The following CHN2 variants were observed in gnomAD, a reference collection of about 807,000 sequenced individuals.
The protein encoded by CHN2 is chimerin 2, also known as beta-chimaerin.
In CHN2, 35 loss-of-function variants were observed where a neutral mutation model predicts 56.3. The observed-to-expected ratio is 0.62, with a 90% confidence interval of 0.47 to 0.82. The LOEUF is 0.82. CHN2 is among the 40% of genes least tolerant of loss of function. CHN2 has a pLI of 0.00. For missense variants in CHN2, 491 were observed against 580.5 expected (o/e 0.85, Z 1.58); for synonymous variants, 210 against 212.8 (o/e 0.99, Z 0.12).
chr7:29,312,293 C>G (rs1427201348), intron 1 of CHN2, among the ~76,000 whole-genome samples: 1 of 152,212 alleles, frequency 6.6e-6, no homozygotes, highest in African/African-American at 2.4e-5. Flanking sequence ...CCTCCTGCTT[C>G]TTCCTACCTC....
intron 6 of CHN2, among the ~76,000 whole-genome samples, chr7:29,472,057 G>C (rs1408211890): frequency 6.6e-6 from 1 of 152,094 alleles, no homozygotes; most frequent in East Asian, 1.9e-4. Flanking sequence ...AAGTACATAG[G>C]ATCAAGCAGG....
At chr7:29,445,296 T>C in intron 6 of CHN2, 1 of 319,836 alleles carries the variant, frequency 3.1e-6, no homozygotes. Context: ...GCCTATCTCA[T>C]CCCAAACTCA....
At chr7:29,509,159 G>T in intron 11 of CHN2, 142 bp from the exon 12 acceptor site, 1 of 628,666 alleles carries the variant, frequency 1.6e-6, no homozygotes, top group Non-Finnish European at 2.9e-6. Context: ...CCAACAAATT[G>T]ATTAAGTGAA....
Position 29,369,954 on chromosome 7 carries a change from A to G in CHN2, c.144+1967A>G, listed in dbSNP as rs76344841. Among the ~76,000 whole-genome samples, 538 of 152,268 alleles carry G rather than the reference A, an allele frequency of 3.5e-3. 5 individuals are homozygous for G. The highest frequency in any genetic ancestry group is 0.012 in the African/African-American group (480 of 41,550). On this transcript the variant is annotated intron_variant, in intron 3 of 12. Coordinates refer to ENST00000222792, the MANE Select transcript of CHN2 (RefSeq NM_004067.4). The stretch of plus-strand genomic sequence containing the variant: ...GATGCTTGCTTTCCTCTAGAATTCC[A>G]TATCCCATTTCTGCCACGAAACCTA...
At chr7:29,211,198 G>A (rs1784912546) in intron 1 of CHN2, among the ~76,000 whole-genome samples, 1 of 151,990 alleles carries the variant, frequency 6.6e-6, no homozygotes, top group East Asian at 1.9e-4. Context: ...AGCCTCCTGA[G>A]GAGCTGGGAC....
chr7:29,249,434 C>T lies in CHN2; in HGVS notation c.49+54444C>T, dbSNP rs73684635. Among the ~76,000 whole-genome samples the T allele has an allele frequency of 5.6e-3, 846 of 152,352 alleles. 4 individuals carry two copies. Among genetic ancestry groups the T allele is most frequent in the African/African-American group, 0.018 (744 of 41,588 alleles). ...CAGACCCCCAGCTGGTTGGATGGTG[C>T]CTGCCCACATGGAGGGCCGATCATC... On this transcript the variant is annotated intron_variant, in intron 1 of 12. Coordinates refer to ENST00000222792, the MANE Select transcript of CHN2 (RefSeq NM_004067.4).
chr7:29,169,740 T>C (rs1375109457), intron 2 of CHN2, among the ~76,000 whole-genome samples: 1 of 152,132 alleles, frequency 6.6e-6, no homozygotes, highest in Non-Finnish European at 1.5e-5. Flanking sequence ...TCCTCCCTTC[T>C]GACCACTGTT....
At chr7:29,386,394 G>T (rs1800918816) in intron 3 of CHN2, among the ~76,000 whole-genome samples, 1 of 152,128 alleles carries the variant, frequency 6.6e-6, no homozygotes, top group African/African-American at 2.4e-5. Context: ...CAATCTAGCT[G>T]CCCTGTGTAG....
chr7:29,458,850 C>G (rs751279891), intron 6 of CHN2, among the ~76,000 whole-genome samples: 1 of 152,214 alleles, frequency 6.6e-6, no homozygotes, highest in African/African-American at 2.4e-5. Context: ...TTTGGCCTTT[C>G]CCTTTACCTA....
At chr7:29,268,069 G>A (rs915024501) in intron 1 of CHN2, among the ~76,000 whole-genome samples, 2 of 152,060 alleles carry the variant, frequency 1.3e-5, no homozygotes, top group African/African-American at 4.8e-5. Flanking sequence ...CTATATATGT[G>A]TTAGGACAGA....
chr7:29,312,311 C>T (rs1411265976), intron 1 of CHN2, among the ~76,000 whole-genome samples: 1 of 152,172 alleles, frequency 6.6e-6, no homozygotes, highest in Non-Finnish European at 1.5e-5. Context: ...CTCATTCTCT[C>T]CCTCCCTTGC....
At chr7:29,320,535 T>C (rs1795260457) in intron 1 of CHN2, among the ~76,000 whole-genome samples, 1 of 152,168 alleles carries the variant, frequency 6.6e-6, no homozygotes, top group African/African-American at 2.4e-5. Flanking sequence ...CGAGTAAATA[T>C]GAAAGAAACA....
At chr7:29,252,574 C>CTGTG (rs1562866327) in intron 1 of CHN2, among the ~76,000 whole-genome samples, 1 of 19,284 alleles carries the variant, frequency 5.2e-5, no homozygotes, top group Non-Finnish European at 9.3e-5. Context: ...AAATTGCATT[C>CTGTG]TTTGTTTTTT....
chr7:29,299,488 T>C (rs575230601), intron 1 of CHN2, among the ~76,000 whole-genome samples: 1 of 152,298 alleles, frequency 6.6e-6, no homozygotes, highest in South Asian at 2.1e-4. Flanking sequence ...TTTTGCTCAC[T>C]GTATCCAGCA....
At chr7:29,243,814 G>A (rs1405538326) in intron 1 of CHN2, among the ~76,000 whole-genome samples, 3 of 152,118 alleles carry the variant, frequency 2.0e-5, no homozygotes, top group Admixed American at 6.5e-5. Flanking sequence ...TGTTGAATAC[G>A]TAATTTAAAT....
At chr7:29,396,458 CCA>C (rs1801752037) in intron 4 of CHN2, among the ~76,000 whole-genome samples, 1 of 56,848 alleles carries the variant, frequency 1.8e-5, no homozygotes, top group Non-Finnish European at 3.2e-5. Flanking sequence ...GAGACTCTCT[CCA>C]AAAAAAAAAA....
At chr7:29,402,706 C>A (rs1802315064) in intron 6 of CHN2, among the ~76,000 whole-genome samples, 1 of 152,150 alleles carries the variant, frequency 6.6e-6, no homozygotes, top group Admixed American at 6.5e-5. Context: ...GGAGGAGTGT[C>A]TCTTCTGTGT....
intron 6 of CHN2, among the ~76,000 whole-genome samples, chr7:29,417,437 G>T (rs1405864767): frequency 6.7e-6 from 1 of 149,036 alleles, no homozygotes; most frequent in Non-Finnish European, 1.5e-5. Context: ...CTGGGTTCAC[G>T]CCATTCTCCT....
chr7:29,196,628 G>A (rs753103936), intron 1 of CHN2, among the ~76,000 whole-genome samples: 5 of 152,204 alleles, frequency 3.3e-5, no homozygotes, highest in Admixed American at 1.3e-4. Flanking sequence ...AAGAAAAGAC[G>A]AAAGGAGAAA....
Sources: gnomAD v4.1 joint callset for allele counts (sites outside exome capture counted in the v4.1 genomes callset) on GRCh38, gnomAD v4.1.1 for gene constraint, MANE v1.5 for transcripts, NCBI Gene and HGNC (gene_info 2026-07-23, HGNC 2026-07-21) for gene names.